Variants in WDR17 observed in about 807,000 individuals in gnomAD.
WDR17 encodes the protein WD repeat-containing protein 17.
Under a neutral mutation model 161.7 loss-of-function variants are expected in WDR17, and 143 were observed. The ratio of observed to expected loss-of-function variants is 0.88; its 90% CI spans 0.77 to 1.02. The LOEUF is 1.02. Ranked by LOEUF, WDR17 falls within the 50% of genes least tolerant of loss-of-function variation. The pLI is 0.00. For synonymous variants in WDR17, 517 were observed against 515.6 expected (o/e 1.00, Z -0.04); for missense variants, 1,469 against 1,520.9 (o/e 0.97, Z 0.57).
At chr4:176,125,377 A>T (rs905299895) in intron 5 of WDR17, 22 bp downstream of exon 5, 1 of 1,609,210 alleles carries the variant, frequency 6.2e-7, no homozygotes, top group Non-Finnish European at 8.5e-7. Context: ...CCCATAACCC[A>T]GAGTTTTAAA....
chr4:176,166,170 A>G (rs1435100890), intron 22 of WDR17: 2 of 857,444 alleles, frequency 2.3e-6, no homozygotes, highest in Admixed American at 3.0e-5. Context: ...ATTTAAGAAC[A>G]CATTCCTTTA....
At chr4:176,149,164 T>A (rs1344118149) in intron 13 of WDR17, among the ~76,000 whole-genome samples, 3 of 152,202 alleles carry the variant, frequency 2.0e-5, no homozygotes. Flanking sequence ...TATAGTATAC[T>A]TGTTGCTGCT....
rs1287474480 is a variant in WDR17 at position 176,161,977 on chromosome 4, T to A, written c.2751-98T>A. 4 of 1,024,706 alleles carry A rather than the reference T, an allele frequency of 3.9e-6. No individual in the cohort carries two copies. In the East Asian group the frequency reaches 1.1e-4, roughly 29 times the overall value. 63.5% of individuals were successfully genotyped at this position (1,024,706 alleles called of 1,614,324 possible). Reference sequence around the variant, plus strand: ...TTAAAGCAAGCATGTCAAATTAAATTTTATTTGGTCTTTTTATCATACCTT... The same window carrying A: ...TTAAAGCAAGCATGTCAAATTAAATATTATTTGGTCTTTTTATCATACCTT... On this transcript the variant is annotated intron_variant, in intron 20 of 28. Transcript: ENST00000508596.
intron 2 of WDR17, among the ~76,000 whole-genome samples, chr4:176,112,186 C>T (rs1185459529): frequency 6.6e-6 from 1 of 152,152 alleles, no homozygotes; most frequent in Non-Finnish European, 1.5e-5. Flanking sequence ...CTCAGTGTCA[C>T]CAGCTAACCA....
chr4:176,159,970 A>T lies in WDR17; in HGVS notation c.2526-24A>T, dbSNP rs564918500. The T allele has an allele frequency of 4.4e-4, 682 of 1,556,238 alleles. 6 individuals carry two copies. In the South Asian group the frequency reaches 5.0e-3, roughly 11 times the overall value. On this transcript the variant is annotated intron_variant, in intron 18 of 28. Coordinates refer to ENST00000508596, the MANE Select transcript of WDR17 (RefSeq NM_181265.4). The stretch of plus-strand genomic sequence containing the variant: ...AAACCTTCAAAATAATATATTGTTT[A>T]AAAAACTGTCCTTATTTTATTAGGA...
intron 7 of WDR17, 110 bp from the exon 8 acceptor site, chr4:176,134,998 A>G: frequency 2.8e-6 from 3 of 1,077,902 alleles, no homozygotes; most frequent in Non-Finnish European, 4.1e-6. Context: ...TTTTTGCATT[A>G]ATATTTGGAA....
At chr4:176,093,356 C>A (rs1311669031) in intron 1 of WDR17, among the ~76,000 whole-genome samples, 1 of 151,966 alleles carries the variant, frequency 6.6e-6, no homozygotes, top group East Asian at 1.9e-4. Flanking sequence ...TATATGGAAC[C>A]ACAAAAGACC....
At chr4:176,173,804 T>G (rs1483269279) in intron 25 of WDR17, among the ~76,000 whole-genome samples, 1 of 151,786 alleles carries the variant, frequency 6.6e-6, no homozygotes, top group Non-Finnish European at 1.5e-5. Flanking sequence ...CATGAGCCAC[T>G]GCGCCTGGCC....
chr4:176,094,874 A>C (rs982799638), intron 1 of WDR17, among the ~76,000 whole-genome samples: 1 of 152,154 alleles, frequency 6.6e-6, no homozygotes, highest in African/African-American at 2.4e-5. Flanking sequence ...GAGAAAGAAT[A>C]TTTGGGGTGG....
At chr4:176,113,674 A>G (rs1243667525) in intron 2 of WDR17, among the ~76,000 whole-genome samples, 1 of 152,052 alleles carries the variant, frequency 6.6e-6, no homozygotes, top group Non-Finnish European at 1.5e-5. Flanking sequence ...ATTATGCTAC[A>G]TAAATGTAAC....
Position 176,148,174 on chromosome 4 carries a change from A to G in WDR17, c.1736A>G (p.Asn579Ser), listed in dbSNP as rs552864176. 60 of 1,614,020 alleles carry G rather than the reference A, an allele frequency of 3.7e-5. No homozygotes were observed. The Admixed American group carries it at 6.0e-4, about 16-fold the overall frequency. The change falls in exon 13 of 29, where the codon AAT (asparagine) becomes AGT (serine). Residue 579 changes from asparagine to serine, a missense_variant. Transcript: ENST00000508596. ...GATTATACTCAGGATGCTTGCATCAATATTCTTAATGGACACACTGCACCT... is the reference window on the plus strand; with the variant it reads ...GATTATACTCAGGATGCTTGCATCAGTATTCTTAATGGACACACTGCACCT... ...IWDYTQDACI[N>S]ILNGHTAPVR... is the part of the protein sequence containing the mutation.
At chr4:176,120,302 A>G (rs1741354292) in intron 4 of WDR17, among the ~76,000 whole-genome samples, 1 of 76,352 alleles carries the variant, frequency 1.3e-5, no homozygotes, top group East Asian at 3.7e-4. Flanking sequence ...ATATATATAT[A>G]TATATATATA....
At chr4:176,118,836 C>G (rs1027697613) in intron 3 of WDR17, among the ~76,000 whole-genome samples, 1 of 151,900 alleles carries the variant, frequency 6.6e-6, no homozygotes, top group Non-Finnish European at 1.5e-5. Flanking sequence ...TGGCGGGCGC[C>G]TGTAGTCCCA....
rs138996949 is a variant in WDR17, at chr4:176,102,650, T to C, written c.-6-8925T>C. ...AACTGTGCTACATCTAGATAAATAGTATTATTCTGCACTAAAAAGCAATGA... is the reference window on the plus strand; with the variant it reads ...AACTGTGCTACATCTAGATAAATAGCATTATTCTGCACTAAAAAGCAATGA... On this transcript the variant is annotated intron_variant, in intron 1 of 28. Transcript: ENST00000508596. Among the ~76,000 whole-genome samples, 16 of 152,294 alleles carry C rather than the reference T, an allele frequency of 1.1e-4. No homozygotes were observed. The East Asian group carries it at 1.9e-3, about 18-fold the overall frequency.
intron 28 of WDR17, among the ~76,000 whole-genome samples, 160 bp downstream of exon 28, chr4:176,177,814 T>C (rs1465630075): frequency 1.3e-5 from 2 of 151,670 alleles, no homozygotes; most frequent in East Asian, 1.9e-4. Context: ...TTAGTACAAG[T>C]GGCCTCTTTC....
chr4:176,076,028 T>C (rs556127097), intron 1 of WDR17, among the ~76,000 whole-genome samples: 1 of 151,938 alleles, frequency 6.6e-6, no homozygotes, highest in African/African-American at 2.4e-5. Context: ...ATAAAGTTAT[T>C]ATATCACTGA....
Position 176,177,497 on chromosome 4 carries a change from C to T in WDR17, c.3575C>T (p.Pro1192Leu). ...NRSLEDSPYTPPSDSQRMIYA... is the reference protein window; with the variant it reads ...NRSLEDSPYTLPSDSQRMIYA... ...TCATTAGAAGACTCTCCGTATACAC[C>T]CCCTTCTGATTCACAAAGAATGATT... is the stretch of plus-strand genomic sequence containing the variant. The change falls in exon 28 of 29, where the codon CCC becomes CTC. Residue 1192 changes from proline (P) to leucine (L), a missense_variant. Coordinates refer to ENST00000508596, the MANE Select transcript of WDR17 (RefSeq NM_181265.4). 2.5e-6 allele frequency: 4 copies of T among 1,576,600 alleles called. No individual in the cohort carries two copies. The highest frequency in any genetic ancestry group is 3.4e-6 in the Non-Finnish European group (4 of 1,169,292).
intron 17 of WDR17, among the ~76,000 whole-genome samples, chr4:176,155,853 A>G: frequency 6.6e-6 from 1 of 151,598 alleles, no homozygotes; most frequent in East Asian, 1.9e-4. Context: ...ATCAGCCACC[A>G]TGCCCAGCTT....
intron 18 of WDR17, among the ~76,000 whole-genome samples, chr4:176,158,641 G>T (rs1040548936): frequency 2.0e-5 from 3 of 152,184 alleles, no homozygotes; most frequent in Non-Finnish European, 4.4e-5. Flanking sequence ...GGTTATTGTT[G>T]ATCTTAGTAA....
Sources: allele counts gnomAD v4.1 joint callset (sites outside exome capture counted in the v4.1 genomes callset), GRCh38; gene constraint gnomAD v4.1.1; transcripts MANE v1.5; gene names NCBI Gene and HGNC (gene_info 2026-07-23, HGNC 2026-07-21).